The following USP11 variants were observed in gnomAD, a reference collection of about 807,000 sequenced individuals.
The protein encoded by USP11 is ubiquitin carboxyl-terminal hydrolase 11.
USP11 carries 5 observed loss-of-function variants against 72.8 expected under a neutral mutation model. The observed-to-expected ratio is 0.07, with a 90% CI of 0.04 to 0.14. The LOEUF (loss-of-function observed/expected upper bound fraction) is 0.14, where lower values mean the gene tolerates loss of function less well. USP11 is among the 10% of genes least tolerant of loss of function. USP11 has a pLI of 1.00. For synonymous variants in USP11, 368 were observed against 326.5 expected (o/e 1.13, Z -1.37); for missense variants, 480 against 794.7 (o/e 0.60, Z 4.76).
chrX:47,233,394 C>T lies in USP11; in HGVS notation c.176+175C>T, dbSNP rs774225112. ...GGAAGTGCCTTTGAATGAATCGCAACGTCTGGAAAAGGGGCGGGGCCTGTG... is the reference window on the plus strand; with the variant it reads ...GGAAGTGCCTTTGAATGAATCGCAATGTCTGGAAAAGGGGCGGGGCCTGTG... On this transcript the variant is annotated intron_variant, in intron 1 of 20. Coordinates refer to ENST00000377107, the MANE Select transcript of USP11 (RefSeq NM_001371072.1). 5,746 of 1,076,287 alleles carry T rather than the reference C, an allele frequency of 5.3e-3. 19 individuals are homozygous for T. The highest frequency in any genetic ancestry group is 6.0e-3 in the Non-Finnish European group (5,042 of 836,441). The allele number at this position is 1,076,287 out of a possible 1,213,427, so 88.7% of individuals were successfully genotyped here. A position where few individuals can be genotyped will look rare whatever the true frequency, so the allele number is the denominator to read the frequency against.
At position 47,244,857 on chromosome X, in the gene USP11, G is replaced by T; in HGVS notation, c.2019G>T (p.Leu673=). ...QWPPRRRRKQ[L]FTLQTVNSNG... ...CCCCAAGGCGACGACGCAAGCAGCT[G>T]TTCACCCTGCAGACGGTGAACTCCA... Residue 673 remains leucine (L), a synonymous_variant, in exon 15 of 21, where the codon CTG becomes CTT. Coordinates refer to ENST00000377107, the MANE Select transcript of USP11 (RefSeq NM_001371072.1). 8.3e-7 allele frequency: 1 copy of T among 1,211,830 alleles called. No individual in the cohort carries two copies. The highest frequency in any genetic ancestry group is 3.0e-5 in the East Asian group (1 of 33,828).
intron 9 of USP11, among the ~76,000 whole-genome samples, 163 bp downstream of exon 9, chrX:47,241,862 T>A (rs1165427767): frequency 1.8e-5 from 2 of 111,736 alleles, no homozygotes; most frequent in Non-Finnish European, 3.8e-5. Context: ...CAATACCATA[T>A]CTGCCCCCAC....
chrX:47,247,548 G>A lies in USP11; in HGVS notation c.2537-63G>A, dbSNP rs921947465. 8 of 1,172,059 alleles carry A rather than the reference G, an allele frequency of 6.8e-6. No homozygotes were observed. In the African/African-American group the frequency reaches 7.1e-5, roughly 10 times the overall value. ...TATCGTGGTGGGAGGAGTGACAAGA[G>A]TGAATCTGGACACTTCTGAGAGGCA... On this transcript the variant is annotated intron_variant, in intron 19 of 20. Transcript: ENST00000377107.
At position 47,245,303 on chromosome X, in the gene USP11, C is replaced by T. The variant is rs754730130; in HGVS notation, c.2158-67C>T. 1.8e-4 allele frequency: 183 copies of T among 1,042,694 alleles called. 1 individual carries two copies. In the East Asian group the frequency reaches 5.7e-3, roughly 32 times the overall value. 85.9% of individuals were successfully genotyped at this position (1,042,694 alleles called of 1,213,427 possible). The stretch of plus-strand genomic sequence containing the variant: ...TCAGTGTGTGTCTCCCCCGCTGGGC[C>T]CCCACTCCCCATTTCTCCATCTGTC... On this transcript the variant is annotated intron_variant, in intron 16 of 20. Transcript: ENST00000377107.
intron 1 of USP11, among the ~76,000 whole-genome samples, chrX:47,235,944 A>G (rs758271920): frequency 9.0e-6 from 1 of 111,525 alleles, no homozygotes; most frequent in Non-Finnish European, 1.9e-5. Flanking sequence ...GCCTCTTCCT[A>G]CCTTTGTAGC....
chrX:47,240,730 C>T lies in USP11; in HGVS notation c.744-44C>T, dbSNP rs368368015. 2.0e-4 allele frequency: 244 copies of T among 1,203,382 alleles called. 1 individual carries two copies. Among genetic ancestry groups the T allele is most frequent in the Middle Eastern group, 2.3e-4 (1 of 4,365 alleles). ...TTTAGCCCATGAGCACATTGCACCC[C>T]CATGCAGCAGGCCCTCAGCTGACAG... On this transcript the variant is annotated intron_variant, in intron 6 of 20. Coordinates refer to ENST00000377107, the MANE Select transcript of USP11 (RefSeq NM_001371072.1).
At position 47,248,093 on chromosome X, in the gene USP11, G is replaced by A. The variant is rs933042114; in HGVS notation, c.*163G>A. Reference sequence around the variant, plus strand: ...CTGTGCCGCTGCATCGCTCTCTCCCGGGAAAGAACAGGTCGTGTCTCCTCC... The same window carrying A: ...CTGTGCCGCTGCATCGCTCTCTCCCAGGAAAGAACAGGTCGTGTCTCCTCC... On this transcript the variant is annotated 3_prime_UTR_variant, in exon 21 of 21. Transcript: ENST00000377107. 3.5e-5 allele frequency: 28 copies of A among 805,150 alleles called. No homozygotes were observed. The highest frequency in any genetic ancestry group is 2.5e-4 in the East Asian group (7 of 28,431). 66.4% of individuals were successfully genotyped at this position (805,150 alleles called of 1,213,427 possible). A position where few individuals can be genotyped will look rare whatever the true frequency, so the allele number is the denominator to read the frequency against.
At chrX:47,244,000 A>G (rs749285477) in intron 13 of USP11, among the ~76,000 whole-genome samples, 1 of 111,622 alleles carries the variant, frequency 9.0e-6, no homozygotes, top group African/African-American at 3.3e-5. Flanking sequence ...TTTGCATTCA[A>G]AAGTCATTCC....
At chrX:47,246,008 C>T (rs778777800) in intron 17 of USP11, among the ~76,000 whole-genome samples, 13 of 111,591 alleles carry the variant, frequency 1.2e-4, no homozygotes, top group Non-Finnish European at 2.4e-4. Context: ...GACTTCACTC[C>T]TTACGATGCT....
intron 11 of USP11, 47 bp downstream of exon 11, chrX:47,242,569 A>G (rs753052678): frequency 1.0e-5 from 12 of 1,205,849 alleles, no homozygotes; most frequent in Non-Finnish European, 1.3e-5. Context: ...GCAAGGAGGC[A>G]GAAGGGCCTG....
intron 16 of USP11, 88 bp downstream of exon 16, chrX:47,245,174 A>G: frequency 9.0e-7 from 1 of 1,105,699 alleles, no homozygotes; most frequent in South Asian, 2.0e-5. Context: ...CTAGCTGGGA[A>G]CAGAGCCAAG....
At position 47,240,850 on chromosome X, in the gene USP11, A is replaced by G. The variant is rs1210928995; in HGVS notation, c.820A>G (p.Thr274Ala). Residue 274 changes from threonine to alanine, a missense_variant, in exon 7 of 21, where the codon ACG (threonine) becomes GCG (alanine). Physicochemically the swap from Thr to Ala is moderately conservative, Grantham distance 58 (BLOSUM62 0). Around this residue, in one of 5 missense-constraint regions of USP11, gnomAD observed 1 missense variants for 20.0 expected, o/e 0.05. Coordinates refer to ENST00000377107, the MANE Select transcript of USP11 (RefSeq NM_001371072.1). The part of the protein sequence containing the change: ...GICGLTNLGN[T>A]CFMNSALQCL... ...CTGTGGCCTCACCAATCTGGGCAAC[A>G]CGTGCTTCATGAACTCGGCCCTGCA... 1 of 1,209,472 alleles carries G rather than the reference A, an allele frequency of 8.3e-7. No homozygotes were observed.
intron 4 of USP11, 48 bp from the exon 5 acceptor site, chrX:47,240,257 A>G: frequency 2.5e-6 from 3 of 1,195,362 alleles, no homozygotes; most frequent in East Asian, 3.0e-5. Context: ...TGGATTGATC[A>G]TTTTGGGTCT....
intron 1 of USP11, among the ~76,000 whole-genome samples, chrX:47,237,325 T>TA (rs1442685144): frequency 9.1e-6 from 1 of 110,329 alleles, no homozygotes; most frequent in Non-Finnish European, 1.9e-5. Flanking sequence ...GTGTGAGTGA[T>TA]ATGGGGCAGG....
chrX:47,243,610 T>C lies in USP11; in HGVS notation c.1790+8T>C. 1.7e-6 allele frequency: 2 copies of C among 1,209,803 alleles called. No individual in the cohort carries two copies. Among genetic ancestry groups the C allele is most frequent in the Non-Finnish European group, 2.2e-6 (2 of 894,130 alleles). On this transcript the variant is annotated splice_region_variant and intron_variant, in intron 13 of 20. Transcript: ENST00000377107. Reference sequence around the variant, plus strand: ...CCTGATGTACCGGCTCTCGTAAGTGTCCTCTTCCCCGGGGGTGGGGGGCGG... The same window carrying C: ...CCTGATGTACCGGCTCTCGTAAGTGCCCTCTTCCCCGGGGGTGGGGGGCGG...
intron 1 of USP11, chrX:47,233,759 T>A: frequency 1.4e-5 from 1 of 70,129 alleles, no homozygotes; most frequent in Non-Finnish European, 3.7e-5. Context: ...GTTGGTGACG[T>A]GAGCTGAGGG....
At position 47,247,043 on chromosome X, in the gene USP11, C is replaced by A. The variant is rs753248746; in HGVS notation, c.2271-29C>A. 3 of 1,171,691 alleles carry A rather than the reference C, an allele frequency of 2.6e-6. No individual in the cohort carries two copies. In the Admixed American group the frequency reaches 8.2e-5, roughly 32 times the overall value. ...CTCAAAAAAAAAAAAAAGAAAAAGT[C>A]CGTTTGCTGACTCGGGCTCTGTCTG... On this transcript the variant is annotated intron_variant, in intron 17 of 20. Transcript: ENST00000377107.
chrX:47,245,296 G>T (rs951265370), intron 16 of USP11, 74 bp from the exon 17 acceptor site: 28 of 1,016,285 alleles, frequency 2.8e-5, no homozygotes, highest in African/African-American at 5.6e-5. Flanking sequence ...TGTCTCCCCC[G>T]CTGGGCCCCC....
intron 16 of USP11, 133 bp from the exon 17 acceptor site, chrX:47,245,237 G>A (rs2055426002): frequency 2.2e-6 from 2 of 919,798 alleles, no homozygotes; most frequent in South Asian, 2.3e-5. Flanking sequence ...AGAGCTCCAG[G>A]GCCTGAGGTT....
Sources: allele counts gnomAD v4.1 joint callset (sites outside exome capture counted in the v4.1 genomes callset), GRCh38; gene constraint gnomAD v4.1.1; regional missense constraint gnomAD v4.1.1; transcripts MANE v1.5; gene names NCBI Gene and HGNC (gene_info 2026-07-23, HGNC 2026-07-21).